The following SORBS2 variants were observed in gnomAD, a reference collection of about 807,000 sequenced individuals.
SORBS2 encodes sorbin and SH3 domain-containing protein 2.
In SORBS2, 46 loss-of-function variants were observed where a neutral mutation model predicts 97.7. The observed-to-expected ratio is 0.47, with a 90% confidence interval of 0.37 to 0.60. The LOEUF is 0.60. Among genes scored for constraint, SORBS2 ranks in the 20% least tolerant of loss-of-function variants. The probability of loss-of-function intolerance (pLI) is 0.00; values close to 1 mark genes in which losing one functional copy is unlikely to be tolerated. For missense variants in SORBS2, 1,316 were observed against 1,282.3 expected (o/e 1.03, Z -0.40); for synonymous variants, 476 against 473.4 (o/e 1.01, Z -0.07).
chr4:185,751,780 G>A (rs2098801909), intron 2 of SORBS2, among the ~76,000 whole-genome samples: 1 of 152,174 alleles, frequency 6.6e-6, no homozygotes, highest in Admixed American at 6.5e-5. Context: ...GAGCAGTGGG[G>A]ATAACAACTC....
chr4:185,858,285 C>T (rs1210714714), intron 1 of SORBS2, among the ~76,000 whole-genome samples: 1 of 152,208 alleles, frequency 6.6e-6, no homozygotes, highest in Non-Finnish European at 1.5e-5. Flanking sequence ...AGCTCCAAAG[C>T]TCTTGCTTTC....
intron 2 of SORBS2, among the ~76,000 whole-genome samples, chr4:185,739,315 C>A (rs2098708043): frequency 6.6e-6 from 1 of 152,108 alleles, no homozygotes; most frequent in South Asian, 2.1e-4. Flanking sequence ...TAGCTATACA[C>A]CTAAAATGTG....
rs183626526 is a variant in SORBS2, at chr4:185,796,031, T to C, written c.-337-20665A>G. On this transcript the variant is annotated intron_variant, in intron 1 of 20. Transcript: ENST00000284776. ...AGCTGAGCCATTCATCTTTTCTTCC[T>C]GGATTACTGTACTGTCCTCCTACAG... Among the ~76,000 whole-genome samples the C allele has an allele frequency of 2.6e-5, 4 of 152,328 alleles. No individual in the cohort carries two copies. The East Asian group carries it at 7.7e-4, about 29-fold the overall frequency.
At chr4:185,805,682 A>G (rs2099150260) in intron 1 of SORBS2, among the ~76,000 whole-genome samples, 2 of 152,242 alleles carry the variant, frequency 1.3e-5, no homozygotes, top group African/African-American at 4.8e-5. Context: ...CCAAGCAGTT[A>G]TACAATTTTC....
chr4:185,879,201 G>A (rs1459312322), intron 1 of SORBS2, among the ~76,000 whole-genome samples: 1 of 136,240 alleles, frequency 7.3e-6, no homozygotes, highest in African/African-American at 2.9e-5. Flanking sequence ...CCCGGTGTGT[G>A]ATGTTCCCCT....
chr4:185,905,290 T>C (rs899241079), intron 1 of SORBS2, among the ~76,000 whole-genome samples: 9 of 152,182 alleles, frequency 5.9e-5, no homozygotes, highest in African/African-American at 2.2e-4. Flanking sequence ...TATAAACATA[T>C]ACAATACATG....
At chr4:185,692,148 A>G (rs1326879480) in intron 2 of SORBS2, among the ~76,000 whole-genome samples, 2 of 152,196 alleles carry the variant, frequency 1.3e-5, no homozygotes, top group African/African-American at 4.8e-5. Flanking sequence ...ACACGCTGAT[A>G]AGGTAGCAAA....
chr4:185,594,819 A>G (rs1257325303), intron 12 of SORBS2, among the ~76,000 whole-genome samples: 1 of 152,228 alleles, frequency 6.6e-6, no homozygotes, highest in Admixed American at 6.5e-5. Context: ...ATGCAAACAA[A>G]TCATTCATAA....
At chr4:185,662,531 G>T (rs1392173384) in intron 4 of SORBS2, among the ~76,000 whole-genome samples, 2 of 152,190 alleles carry the variant, frequency 1.3e-5, no homozygotes, top group Non-Finnish European at 2.9e-5. Flanking sequence ...GTGCCAAATG[G>T]TATCAGTAGG....
Position 185,917,425 on chromosome 4 carries a change from G to A in SORBS2, c.-338+38771C>T, listed in dbSNP as rs183885172. 1.8e-3 allele frequency among the ~76,000 whole-genome samples: 271 copies of A among 152,164 alleles called. 1 individual carries two copies. The highest frequency in any genetic ancestry group is 6.3e-3 in the African/African-American group (262 of 41,500). ...GTGTTTTTTATAGAGACAAGGTTTC[G>A]CCATGTTGTCCAGGCTGGTATTGAA... On this transcript the variant is annotated intron_variant, in intron 1 of 20. Transcript: ENST00000284776.
rs189791697 is a variant in SORBS2 at position 185,606,459 on chromosome 4, A to G, written c.2796+5321T>C. On this transcript the variant is annotated intron_variant, in intron 12 of 14. Coordinates refer to ENST00000418609, the Ensembl canonical transcript of SORBS2. The surrounding 1 kb of genome is among the most constrained non-coding windows in gnomAD (Gnocchi z 4.3). ...TACCCACTCCACCCCCATCTTATAT[A>G]GTATTTGTGTTTTTTGTTTAAAAAA... The G allele has an allele frequency of 1.0e-5, 10 of 977,206 alleles. No individual in the cohort carries two copies. Among genetic ancestry groups the G allele is most frequent in the Middle Eastern group, 5.3e-4 (1 of 1,894 alleles). 60.5% of individuals were successfully genotyped at this position (977,206 alleles called of 1,614,324 possible). A position where few individuals can be genotyped will look rare whatever the true frequency, so the allele number is the denominator to read the frequency against.
At chr4:185,876,050 C>T (rs34546820) in intron 1 of SORBS2, among the ~76,000 whole-genome samples, 86,313 of 152,014 alleles carry the variant, frequency 0.57, 25,266 homozygotes, top group Middle Eastern at 0.69. Flanking sequence ...ACTTTTGACG[C>T]GAGTGTAAAG....
At chr4:185,897,393 C>T (rs1239263344) in intron 1 of SORBS2, among the ~76,000 whole-genome samples, 1 of 152,184 alleles carries the variant, frequency 6.6e-6, no homozygotes, top group Non-Finnish European at 1.5e-5. Flanking sequence ...TCAGTCTATT[C>T]GCATTAGACC....
At chr4:185,735,504 TCA>T (rs1254831025) in intron 2 of SORBS2, among the ~76,000 whole-genome samples, 2 of 149,916 alleles carry the variant, frequency 1.3e-5, no homozygotes, top group Admixed American at 6.6e-5. Flanking sequence ...ACACACACAC[TCA>T]CACACACAAA....
intron 4 of SORBS2, among the ~76,000 whole-genome samples, chr4:185,643,916 C>T (rs1230017147): frequency 6.6e-6 from 1 of 152,178 alleles, no homozygotes; most frequent in Non-Finnish European, 1.5e-5. Flanking sequence ...GCTCTTCAAC[C>T]TCTAGCCTGT....
chr4:185,744,901 G>A (rs555333265), intron 2 of SORBS2, among the ~76,000 whole-genome samples: 1 of 152,342 alleles, frequency 6.6e-6, no homozygotes, highest in South Asian at 2.1e-4. Flanking sequence ...ATTCACTAAG[G>A]GTGAGCCTTC....
intron 4 of SORBS2, among the ~76,000 whole-genome samples, chr4:185,665,350 G>A (rs2097580814): frequency 6.6e-6 from 1 of 152,190 alleles, no homozygotes; most frequent in African/African-American, 2.4e-5. Context: ...ATGTGAGTCT[G>A]TGAGAAAAAC....
Position 185,795,313 on chromosome 4 carries a change from G to A in SORBS2, c.-337-19947C>T, listed in dbSNP as rs537888546. Among the ~76,000 whole-genome samples the A allele has an allele frequency of 3.3e-5, 5 of 152,240 alleles. No individual in the cohort carries two copies. In the South Asian group the frequency reaches 6.2e-4, roughly 19 times the overall value. On this transcript the variant is annotated intron_variant, in intron 1 of 20. Transcript: ENST00000284776. Reference sequence around the variant, plus strand: ...CCCTCAAAAATAGAAGAAAGAGGTCGGGGCAGCTTCGGCAATTCCTTCCTC... The same window carrying A: ...CCCTCAAAAATAGAAGAAAGAGGTCAGGGCAGCTTCGGCAATTCCTTCCTC...
At chr4:185,898,092 A>G (rs1356843498) in intron 1 of SORBS2, among the ~76,000 whole-genome samples, 1 of 152,208 alleles carries the variant, frequency 6.6e-6, no homozygotes, top group Non-Finnish European at 1.5e-5. Flanking sequence ...CTAACATTCC[A>G]TCTAAGCAAA....
Sources: allele counts gnomAD v4.1 joint callset (sites outside exome capture counted in the v4.1 genomes callset), GRCh38; gene constraint gnomAD v4.1.1; non-coding constraint Gnocchi (gnomAD v3.1); transcripts MANE v1.5; gene names NCBI Gene and HGNC (gene_info 2026-07-23, HGNC 2026-07-21).